The following EDA2R variants were observed in gnomAD, a reference collection of about 807,000 sequenced individuals.
EDA2R encodes the protein tumor necrosis factor receptor superfamily member 27.
EDA2R carries 26 observed loss-of-function variants against 20.1 expected under a neutral mutation model. The ratio of observed to expected loss-of-function variants is 1.30; its 90% CI spans 0.95 to 1.80. EDA2R has a LOEUF of 1.80. EDA2R is among the 40% of genes most tolerant of loss of function. The pLI is 0.00. For synonymous variants in EDA2R, 114 were observed against 88.7 expected (o/e 1.29, Z -1.60); for missense variants, 277 against 228.7 (o/e 1.21, Z -1.36).
At chrX:66,617,698 C>A (rs1215297588) in intron 1 of EDA2R, among the ~76,000 whole-genome samples, 1 of 110,700 alleles carries the variant, frequency 9.0e-6, no homozygotes, top group African/African-American at 3.3e-5. Flanking sequence ...TTCTAGAGCT[C>A]CACCCCCCTA....
chrX:66,598,348 G>T (rs1457895253), intron 6 of EDA2R, among the ~76,000 whole-genome samples: 1 of 111,992 alleles, frequency 8.9e-6, no homozygotes, highest in African/African-American at 3.2e-5. Context: ...AGGTGGTGTT[G>T]TCTTCAAGCC....
intron 1 of EDA2R, among the ~76,000 whole-genome samples, chrX:66,638,166 C>A (rs961626798): frequency 1.8e-5 from 2 of 111,803 alleles, no homozygotes; most frequent in Non-Finnish European, 3.8e-5. Flanking sequence ...AGGTCTCAGA[C>A]AGACATCTCA....
Position 66,605,186 on chromosome X carries a change from G to A in EDA2R, c.128C>T (p.Ala43Val), listed in dbSNP as rs1259236283. 5 of 1,209,693 alleles carry A rather than the reference G, an allele frequency of 4.1e-6. No individual in the cohort carries two copies. The highest frequency in any genetic ancestry group is 5.6e-6 in the Non-Finnish European group (5 of 894,526). Residue 43 changes from alanine (A) to valine (V), a missense_variant, in exon 3 of 7, where the codon GCC (alanine) becomes GTC (valine). Transcript: ENST00000374719. ...YGEGGDAYCT[A>V]CPPRRYKSSW... The stretch of plus-strand genomic sequence containing the variant: ...GCTTTTGTACCTGCGAGGAGGGCAG[G>A]CTGTGCAGTAGGCATCTCCACCCTC...
intron 1 of EDA2R, among the ~76,000 whole-genome samples, chrX:66,620,747 C>A (rs1932457399): frequency 9.1e-6 from 1 of 109,632 alleles, no homozygotes; most frequent in Non-Finnish European, 1.9e-5. Flanking sequence ...CAAAAATTTT[C>A]ATATCACATA....
intron 6 of EDA2R, among the ~76,000 whole-genome samples, chrX:66,598,796 C>A (rs1927931862): frequency 8.9e-6 from 1 of 111,909 alleles, no homozygotes; most frequent in South Asian, 3.7e-4. Flanking sequence ...CGGAAGTGGG[C>A]ACTGCAAGAT....
chrX:66,607,417 T>G (rs1043874166), intron 2 of EDA2R, among the ~76,000 whole-genome samples: 2 of 109,247 alleles, frequency 1.8e-5, no homozygotes, highest in Non-Finnish European at 3.8e-5. Context: ...ACAAATGGAG[T>G]GCTAGCCTAG....
chrX:66,627,663 GACAGCA>G (rs2147972627), intron 1 of EDA2R, among the ~76,000 whole-genome samples: 1 of 111,196 alleles, frequency 9.0e-6, no homozygotes, highest in South Asian at 3.8e-4. Flanking sequence ...AAGTGAGACA[GACAGCA>G]ACACAATAAT....
At chrX:66,622,563 C>A in intron 1 of EDA2R, among the ~76,000 whole-genome samples, 1 of 111,898 alleles carries the variant, frequency 8.9e-6, no homozygotes. Flanking sequence ...ATGAAGAAGA[C>A]AGCAGATGGT....
At chrX:66,626,205 AT>A (rs773485050) in intron 1 of EDA2R, among the ~76,000 whole-genome samples, 1 of 112,353 alleles carries the variant, frequency 8.9e-6, no homozygotes, top group East Asian at 2.8e-4. Flanking sequence ...GAGATTAGTT[AT>A]TAAGCGAATC....
At chrX:66,613,110 A>C (rs1055369066) in intron 2 of EDA2R, among the ~76,000 whole-genome samples, 4 of 111,694 alleles carry the variant, frequency 3.6e-5, no homozygotes, top group Non-Finnish European at 5.7e-5. Context: ...AGAATGGTTT[A>C]TACTGGGAAT....
chrX:66,623,642 T>C (rs1053124470), intron 1 of EDA2R, among the ~76,000 whole-genome samples: 1 of 111,799 alleles, frequency 8.9e-6, no homozygotes, highest in Non-Finnish European at 1.9e-5. Context: ...CTACTACTCT[T>C]TTCCTTATTG....
Position 66,611,308 on chromosome X carries a change from C to T in EDA2R, c.87+4626G>A, listed in dbSNP as rs150416619. ...TGTCCAGAACACAACGAAAAACCAC[C>T]CATGATAATAAGAATAAGGAAAATC... On this transcript the variant is annotated intron_variant, in intron 2 of 6. Transcript: ENST00000374719. Among the ~76,000 whole-genome samples the T allele has an allele frequency of 6.6e-3, 732 of 111,128 alleles. 4 individuals are homozygous for T. Among genetic ancestry groups the T allele is most frequent in the African/African-American group, 0.023 (711 of 30,516 alleles).
chrX:66,607,097 G>A (rs1297019909), intron 2 of EDA2R, among the ~76,000 whole-genome samples: 1 of 112,028 alleles, frequency 8.9e-6, no homozygotes, highest in Non-Finnish European at 1.9e-5. Flanking sequence ...TTAGAAAGGT[G>A]TGTGCATACA....
At position 66,599,717 on chromosome X, in the gene EDA2R, C is replaced by T. The variant is rs779772710; in HGVS notation, c.661G>A (p.Asp221Asn). 5.0e-6 allele frequency: 6 copies of T among 1,209,646 alleles called. No individual in the cohort carries two copies. In the South Asian group the frequency reaches 5.3e-5, roughly 11 times the overall value. The change falls in exon 6 of 7, where the codon GAC (aspartate) becomes AAC (asparagine). Residue 221 changes from aspartate (D) to asparagine (N), a missense_variant. Physicochemically the swap from Asp to Asn is conservative, Grantham distance 23. Transcript: ENST00000374719. ...TQPLNPILED[D>N]CSSTSGFPTQ... Reference sequence around the variant, plus strand: ...GGGAAGCCACTAGTCGAGCTGCAGTCGTCCTCGAGGATAGGGTTAAGTGGC... The same window carrying T: ...GGGAAGCCACTAGTCGAGCTGCAGTTGTCCTCGAGGATAGGGTTAAGTGGC...
intron 1 of EDA2R, among the ~76,000 whole-genome samples, chrX:66,631,044 T>G (rs1933756471): frequency 1.8e-5 from 2 of 109,555 alleles, no homozygotes; most frequent in Non-Finnish European, 3.8e-5. Flanking sequence ...TGTGTGTATA[T>G]GTATATATAC....
At chrX:66,610,879 T>G (rs1377593253) in intron 2 of EDA2R, among the ~76,000 whole-genome samples, 1 of 111,533 alleles carries the variant, frequency 9.0e-6, no homozygotes, top group Non-Finnish European at 1.9e-5. Flanking sequence ...GCACTTGAGA[T>G]TCCACCATAA....
chrX:66,614,585 G>A (rs895489824), intron 2 of EDA2R, among the ~76,000 whole-genome samples: 1 of 111,996 alleles, frequency 8.9e-6, no homozygotes, highest in Non-Finnish European at 1.9e-5. Context: ...TTGGTACTGG[G>A]ATCCTTTATC....
intron 1 of EDA2R, among the ~76,000 whole-genome samples, chrX:66,629,258 G>A (rs1933463247): frequency 9.0e-6 from 1 of 111,452 alleles, no homozygotes; most frequent in Non-Finnish European, 1.9e-5. Flanking sequence ...AAAGTTAAAA[G>A]CATTCCCTCT....
intron 1 of EDA2R, among the ~76,000 whole-genome samples, chrX:66,620,639 C>T (rs1199555559): frequency 9.0e-6 from 1 of 110,693 alleles, no homozygotes; most frequent in Non-Finnish European, 1.9e-5. Flanking sequence ...GAGAGAAAAA[C>T]AGAACAATGA....
Sources: allele counts gnomAD v4.1 joint callset (sites outside exome capture counted in the v4.1 genomes callset), GRCh38; gene constraint gnomAD v4.1.1; transcripts MANE v1.5; gene names NCBI Gene and HGNC (gene_info 2026-07-23, HGNC 2026-07-21).